The following MYO7A variants were observed in gnomAD, a reference collection of about 807,000 sequenced individuals.
MYO7A encodes the protein unconventional myosin-VIIa.
A neutral mutation model predicts 263.8 loss-of-function variants in MYO7A; 210 were observed. The ratio of observed to expected loss-of-function variants is 0.80; its 90% CI spans 0.71 to 0.89. The LOEUF (loss-of-function observed/expected upper bound fraction) is 0.89. Ranked by LOEUF, MYO7A falls within the 40% of genes least tolerant of loss-of-function variation. The pLI is 0.00. For missense variants in MYO7A, 2,820 were observed against 2,968.3 expected (o/e 0.95, Z 1.16); for synonymous variants, 1,239 against 1,197.3 (o/e 1.03, Z -0.72).
intron 8 of MYO7A, 146 bp from the exon 9 acceptor site, chr11:77,158,131 G>A: frequency 1.4e-6 from 1 of 710,326 alleles, no homozygotes; most frequent in Non-Finnish European, 2.1e-6. Context: ...GAGTTGTGGT[G>A]CTCACCGGGT....
Position 77,172,879 on chromosome 11 carries a change from G to A in MYO7A, c.1929G>A (p.Lys643=). The change falls in exon 16 of 49, where the codon AAG becomes AAA. Residue 643 remains lysine, a synonymous_variant. Coordinates refer to ENST00000409709, the MANE Select transcript of MYO7A (RefSeq NM_000260.4). ...VRCIKPNEFK[K]PMLFDRHLCV... is the part of the protein sequence containing the mutation. ...GCATCAAGCCCAATGAGTTCAAGAA[G>A]CCCATGGTGAGTGGCCCTGGCCTGG... The A allele has an allele frequency of 6.5e-7, 1 of 1,550,124 alleles. No individual in the cohort carries two copies. The highest frequency in any genetic ancestry group is 8.7e-7 in the Non-Finnish European group (1 of 1,145,520).
chr11:77,160,966 C>T lies in MYO7A; in HGVS notation c.1201-7C>T, dbSNP rs2135287213. On this transcript the variant is annotated splice_polypyrimidine_tract_variant and splice_region_variant and intron_variant, in intron 11 of 48. Transcript: ENST00000409709. ...GCTGGTGCCAGTGGCTGATCACTGCCTTTCAGGGGATCTACGGGCGGCTGT... is the reference window on the plus strand; with the variant it reads ...GCTGGTGCCAGTGGCTGATCACTGCTTTTCAGGGGATCTACGGGCGGCTGT... 2 of 1,593,750 alleles carry T rather than the reference C, an allele frequency of 1.3e-6. No individual in the cohort carries two copies. The highest frequency in any genetic ancestry group is 1.7e-6 in the Non-Finnish European group (2 of 1,171,094).
chr11:77,177,459 C>T (rs1954742754), intron 18 of MYO7A, 90 bp from the exon 19 acceptor site: 1 of 1,045,240 alleles, frequency 9.6e-7, no homozygotes, highest in Non-Finnish European at 1.4e-6. Context: ...ACCTGTGCTC[C>T]CAGTGAAGGA....
At chr11:77,188,828 A>G (rs1387076461) in intron 27 of MYO7A, among the ~76,000 whole-genome samples, 1 of 152,222 alleles carries the variant, frequency 6.6e-6, no homozygotes, top group African/African-American at 2.4e-5. Context: ...TTACAGAAAT[A>G]TACCAGAGAC....
chr11:77,184,901 A>T lies in MYO7A; in HGVS notation c.3503+186A>T, dbSNP rs143790608. 188 of 1,030,370 alleles carry T rather than the reference A, an allele frequency of 1.8e-4. 1 individual carries two copies. In the African/African-American group the frequency reaches 2.7e-3, roughly 15 times the overall value. The allele number at this position is 1,030,370 out of a possible 1,614,324, so 63.8% of individuals were successfully genotyped here. On this transcript the variant is annotated intron_variant, in intron 27 of 48. Coordinates refer to ENST00000409709, the MANE Select transcript of MYO7A (RefSeq NM_000260.4). ...CTAAGCCTCTGATTCCTTGTCTGTA[A>T]AGGGGGAATCCTAAAACAGGCATCC...
intron 11 of MYO7A, among the ~76,000 whole-genome samples, chr11:77,160,500 C>T (rs1253964875): frequency 2.0e-5 from 3 of 152,206 alleles, no homozygotes; most frequent in African/African-American, 7.2e-5. Context: ...TTTTGGCCTG[C>T]TTTGGTCAGC....
intron 45 of MYO7A, 40 bp from the exon 46 acceptor site, chr11:77,211,781 C>A (rs376164547): frequency 8.5e-6 from 13 of 1,537,070 alleles, no homozygotes; most frequent in East Asian, 2.2e-5. Context: ...CAGGCCTGTC[C>A]CCAGGACTGA....
chr11:77,149,818 CAGAG>C (rs1225622825), intron 4 of MYO7A, among the ~76,000 whole-genome samples: 1 of 152,164 alleles, frequency 6.6e-6, no homozygotes, highest in African/African-American at 2.4e-5. Context: ...CACCTGCACT[CAGAG>C]AGGCAGGGCA....
rs1953064467 is a variant in MYO7A, at chr11:77,162,183, G to A, written c.1407G>A (p.Val469=). The A allele has an allele frequency of 3.1e-6, 5 of 1,600,020 alleles. No individual in the cohort carries two copies. Among genetic ancestry groups the A allele is most frequent in the Non-Finnish European group, 3.4e-6 (4 of 1,173,216 alleles). Residue 469 remains valine, a synonymous_variant, in exon 13 of 49, where the codon GTG becomes GTA. Coordinates refer to ENST00000409709, the MANE Select transcript of MYO7A (RefSeq NM_000260.4). Reference sequence around the variant, plus strand: ...TGCAGCAGTTCTTTGTGCGGCACGTGTTCAAGCTGGAGCAGGAGGAATATG... The same window carrying A: ...TGCAGCAGTTCTTTGTGCGGCACGTATTCAAGCTGGAGCAGGAGGAATATG... ...EHLQQFFVRH[V]FKLEQEEYDL... is the part of the protein sequence containing the mutation.
intron 2 of MYO7A, among the ~76,000 whole-genome samples, chr11:77,137,669 G>A (rs1555048115): frequency 6.6e-6 from 1 of 152,146 alleles, no homozygotes; most frequent in African/African-American, 2.4e-5. Flanking sequence ...TTGGCCCATT[G>A]CAGGGAGAGC....
intron 36 of MYO7A, 89 bp from the exon 37 acceptor site, chr11:77,202,211 A>G (rs1159874131): frequency 2.1e-6 from 3 of 1,442,300 alleles, no homozygotes; most frequent in Non-Finnish European, 2.8e-6. Context: ...AGAGTCTCCC[A>G]GAGTCCAGAA....
chr11:77,137,784 C>T (rs1950964321), intron 2 of MYO7A, among the ~76,000 whole-genome samples: 1 of 151,958 alleles, frequency 6.6e-6, no homozygotes, highest in African/African-American at 2.4e-5. Flanking sequence ...TATTTGACCT[C>T]GGGGGCTGCG....
Position 77,184,590 on chromosome 11 carries a change from G to A in MYO7A, c.3378G>A (p.Val1126=), listed in dbSNP as rs782471722. The change falls in exon 27 of 49, where the codon GTG becomes GTA. Residue 1126 remains valine (V), a splice_region_variant and synonymous_variant. Transcript: ENST00000409709. ...LKKKSKLTEE[V]TKRLHDGEST... ...CCTGTCCTCTCCCTCTGGCCCAGGT[G>A]ACCAAGAGGCTGCATGACGGGGAGT... 1.9e-6 allele frequency: 3 copies of A among 1,562,024 alleles called. No individual in the cohort carries two copies. In the Admixed American group the frequency reaches 5.8e-5, roughly 30 times the overall value.
chr11:77,170,756 G>A (rs974210420), intron 15 of MYO7A, among the ~76,000 whole-genome samples: 9 of 152,174 alleles, frequency 5.9e-5, no homozygotes, highest in African/African-American at 1.9e-4. Flanking sequence ...GCAAAGAGAC[G>A]AGTTGGGGGG....
At chr11:77,164,856 A>G (rs1953384567) in intron 14 of MYO7A, among the ~76,000 whole-genome samples, 1 of 152,250 alleles carries the variant, frequency 6.6e-6, no homozygotes, top group South Asian at 2.1e-4. Context: ...ACTGAAGCCC[A>G]GAAAGGGAAA....
In MYO7A at chr11:77,182,108, C is replaced by T; in HGVS notation, c.3062C>T (p.Pro1021Leu). The T allele has an allele frequency of 6.2e-7, 1 of 1,613,464 alleles. No homozygotes were observed. Among genetic ancestry groups the T allele is most frequent in the Non-Finnish European group, 8.5e-7 (1 of 1,179,878 alleles). Residue 1021 changes from proline (P) to leucine (L), a missense_variant, in exon 24 of 49, where the codon CCA becomes CTA. Coordinates refer to ENST00000409709, the MANE Select transcript of MYO7A (RefSeq NM_000260.4). ...GTTTHSYTRR[P>L]LKQPLLYHDD... ...ACCACGCACTCCTACACCCGGCGGCCACTCAAACAGCCACTGCTCTACCAT... is the reference window on the plus strand; with the variant it reads ...ACCACGCACTCCTACACCCGGCGGCTACTCAAACAGCCACTGCTCTACCAT...
At chr11:77,210,450 G>A (rs1957789005) in intron 44 of MYO7A, among the ~76,000 whole-genome samples, 1 of 152,118 alleles carries the variant, frequency 6.6e-6, no homozygotes, top group Non-Finnish European at 1.5e-5. Context: ...ATGGATGGAG[G>A]TAGATGTGTA....
intron 14 of MYO7A, 38 bp from the exon 15 acceptor site, chr11:77,166,018 A>C: frequency 1.5e-5 from 23 of 1,508,318 alleles, no homozygotes; most frequent in Non-Finnish European, 2.0e-5. Context: ...AGGGCCTGCC[A>C]GAGCTGGTGA....
intron 15 of MYO7A, among the ~76,000 whole-genome samples, chr11:77,168,560 C>A (rs1303099821): frequency 6.6e-6 from 1 of 152,046 alleles, no homozygotes; most frequent in Admixed American, 6.5e-5. Flanking sequence ...TTTGGGAGGC[C>A]AAGGCAGGAG....
Sources: allele counts gnomAD v4.1 joint callset (sites outside exome capture counted in the v4.1 genomes callset), GRCh38; gene constraint gnomAD v4.1.1; transcripts MANE v1.5; gene names NCBI Gene and HGNC (gene_info 2026-07-23, HGNC 2026-07-21).